The following SPECC1 variants were observed in gnomAD, a reference collection of about 807,000 sequenced individuals.
SPECC1 encodes the protein sperm antigen with calponin homology and coiled-coil domains 1, also known as cytospin-B.
SPECC1 carries 62 observed loss-of-function variants against 104.1 expected under a neutral mutation model. That is an observed-to-expected ratio of 0.60 (90% CI 0.49 to 0.74). SPECC1 has a LOEUF of 0.74. SPECC1 is among the 30% of genes least tolerant of loss of function. The pLI, the probability that SPECC1 is intolerant of heterozygous loss-of-function variation, is 0.00. For synonymous variants in SPECC1, 513 were observed against 501.6 expected, an observed-to-expected ratio of 1.02 and a Z score of -0.30; for missense variants, 1,306 against 1,310.5, an observed-to-expected ratio of 1.00 and a Z score of 0.05.
At chr17:20,235,660 A>G (rs1262644687) in intron 7 of SPECC1, among the ~76,000 whole-genome samples, 2 of 152,238 alleles carry the variant, frequency 1.3e-5, no homozygotes, top group Non-Finnish European at 2.9e-5. Flanking sequence ...TCTTGTTCTG[A>G]AACAGCAAAT....
At chr17:20,201,137 T>C (rs930007116) in intron 3 of SPECC1, among the ~76,000 whole-genome samples, 2 of 151,950 alleles carry the variant, frequency 1.3e-5, no homozygotes, top group Non-Finnish European at 2.9e-5. Context: ...TTTTTCCAGC[T>C]TCAAAACCAA....
intron 1 of SPECC1, among the ~76,000 whole-genome samples, chr17:20,070,547 T>A (rs1207683736): frequency 6.6e-6 from 1 of 152,178 alleles, no homozygotes; most frequent in Non-Finnish European, 1.5e-5. Flanking sequence ...TCTATATATT[T>A]TATCTATATG....
rs1197880524 is a variant in SPECC1 at position 20,204,656 on chromosome 17, G to C, written c.607G>C (p.Glu203Gln). Residue 203 changes from glutamate (E) to glutamine (Q), a missense_variant, in exon 4 of 15, where the codon GAG (glutamate) becomes CAG (glutamine). Physicochemically the swap from Glu to Gln is conservative, Grantham distance 29. Around this residue, in one of 2 missense-constraint regions of SPECC1, gnomAD observed 1,177 missense variants for 1,139.9 expected, o/e 1.03. Transcript: ENST00000395527. ...CAAAGAGAAAAGGACTCTGAACGCT[G>C]AGGGGACTGATGCTTTGGGCCCAAA... ...KYKEKRTLNA[E>Q]GTDALGPNVD... 2.5e-6 allele frequency: 4 copies of C among 1,613,976 alleles called. No homozygotes were observed. The African/African-American group carries it at 4.0e-5, about 16-fold the overall frequency.
chr17:20,201,809 G>A (rs2036453654), intron 3 of SPECC1, among the ~76,000 whole-genome samples: 1 of 152,092 alleles, frequency 6.6e-6, no homozygotes, highest in East Asian at 1.9e-4. Flanking sequence ...GCTGACCCAT[G>A]AACAACACTA....
intron 3 of SPECC1, among the ~76,000 whole-genome samples, chr17:20,164,969 T>TA (rs2033516573): frequency 6.6e-6 from 1 of 152,210 alleles, no homozygotes; most frequent in Non-Finnish European, 1.5e-5. Flanking sequence ...CTGCCTGGTT[T>TA]TTTTATACTT....
intron 1 of SPECC1, among the ~76,000 whole-genome samples, chr17:20,040,778 T>C (rs1318856182): frequency 6.6e-6 from 1 of 152,236 alleles, no homozygotes; most frequent in East Asian, 1.9e-4. Context: ...GAAGTTTGAC[T>C]ATGATGTATT....
intron 3 of SPECC1, among the ~76,000 whole-genome samples, chr17:20,116,064 C>G (rs1443184386): frequency 6.6e-6 from 1 of 151,920 alleles, no homozygotes. Context: ...TATAATATAT[C>G]AATAACTTTC....
intron 1 of SPECC1, among the ~76,000 whole-genome samples, chr17:20,075,501 G>T (rs950743218): frequency 6.6e-6 from 1 of 152,180 alleles, no homozygotes; most frequent in African/African-American, 2.4e-5. Context: ...TAAAGCAACT[G>T]TTAAAATTTC....
At chr17:20,063,737 G>A (rs2046268886) in intron 1 of SPECC1, among the ~76,000 whole-genome samples, 1 of 152,192 alleles carries the variant, frequency 6.6e-6, no homozygotes, top group Non-Finnish European at 1.5e-5. Flanking sequence ...AATGAGTCAG[G>A]AATCAGGCAG....
intron 1 of SPECC1, among the ~76,000 whole-genome samples, chr17:20,057,103 C>A (rs1034889925): frequency 1.3e-5 from 2 of 152,262 alleles, no homozygotes; most frequent in Middle Eastern, 3.4e-3. Context: ...AGGCCACTTT[C>A]AGCATTCTTT....
intron 13 of SPECC1, among the ~76,000 whole-genome samples, chr17:20,301,106 G>A (rs945029147): frequency 6.6e-6 from 1 of 152,150 alleles, no homozygotes; most frequent in Non-Finnish European, 1.5e-5. Flanking sequence ...CTTGCCCTGG[G>A]GGATGCTGGC....
At chr17:20,037,799 G>A (rs1477017187) in intron 1 of SPECC1, among the ~76,000 whole-genome samples, 1 of 152,114 alleles carries the variant, frequency 6.6e-6, no homozygotes, top group Non-Finnish European at 1.5e-5. Context: ...ATTTTTCACA[G>A]TACATACATC....
At chr17:20,159,991 C>CA in intron 3 of SPECC1, among the ~76,000 whole-genome samples, 1 of 152,112 alleles carries the variant, frequency 6.6e-6, no homozygotes, top group Non-Finnish European at 1.5e-5. Flanking sequence ...CAAAGGTGCC[C>CA]AAAGTGTTAA....
intron 3 of SPECC1, among the ~76,000 whole-genome samples, chr17:20,180,028 T>G (rs1201067496): frequency 6.6e-6 from 1 of 152,134 alleles, no homozygotes; most frequent in Non-Finnish European, 1.5e-5. Context: ...GGTGTGGGAC[T>G]GGGGGGCATG....
At chr17:20,269,686 T>A (rs2040334316) in intron 12 of SPECC1, among the ~76,000 whole-genome samples, 1 of 152,222 alleles carries the variant, frequency 6.6e-6, no homozygotes, top group Admixed American at 6.5e-5. Flanking sequence ...TTGGCAGCAT[T>A]TCACACGTGT....
At chr17:20,181,118 A>G (rs138220821) in intron 3 of SPECC1, among the ~76,000 whole-genome samples, 1 of 152,276 alleles carries the variant, frequency 6.6e-6, no homozygotes, top group East Asian at 1.9e-4. Flanking sequence ...TCATCTAGAA[A>G]TAAAAGAAAT....
At chr17:20,211,398 C>T (rs1195525615) in intron 4 of SPECC1, among the ~76,000 whole-genome samples, 2 of 152,184 alleles carry the variant, frequency 1.3e-5, no homozygotes, top group African/African-American at 2.4e-5. Flanking sequence ...ATGTGGAAGT[C>T]GAGGAGGCCT....
chr17:20,188,906 T>G (rs1029783541), intron 3 of SPECC1, among the ~76,000 whole-genome samples: 2 of 152,174 alleles, frequency 1.3e-5, no homozygotes, highest in Non-Finnish European at 2.9e-5. Context: ...GCGTGCCCAG[T>G]CCATCTAATT....
intron 3 of SPECC1, among the ~76,000 whole-genome samples, chr17:20,134,234 G>A (rs1252864927): frequency 6.6e-6 from 1 of 151,438 alleles, no homozygotes; most frequent in African/African-American, 2.4e-5. Flanking sequence ...CCCTTTCTCT[G>A]CTTGTAACCA....
Sources: gnomAD v4.1 joint callset for allele counts (sites outside exome capture counted in the v4.1 genomes callset) on GRCh38, gnomAD v4.1.1 for gene constraint, gnomAD v4.1.1 regional missense constraint, MANE v1.5 for transcripts, NCBI Gene and HGNC (gene_info 2026-07-23, HGNC 2026-07-21) for gene names.